The following MYBPC3 variants were observed in gnomAD, a reference collection of about 807,000 sequenced individuals.
The protein encoded by MYBPC3 is myosin binding protein C3, also known as myosin-binding protein C, cardiac-type.
MYBPC3 carries 108 observed loss-of-function variants against 159.3 expected under a neutral mutation model. That is an observed-to-expected ratio of 0.68 (90% CI 0.58 to 0.80). The LOEUF is 0.80. MYBPC3 is among the 30% of genes least tolerant of loss of function. MYBPC3 has a pLI of 0.00. For synonymous variants in MYBPC3, 730 were observed against 702.0 expected (o/e 1.04, Z -0.63); for missense variants, 1,631 against 1,762.1 (o/e 0.93, Z 1.33).
At position 47,337,773 on chromosome 11, in the gene MYBPC3, G is replaced by A. The variant is rs759631792; in HGVS notation, c.2330C>T (p.Ala777Val). 21 of 1,552,334 alleles carry A rather than the reference G, an allele frequency of 1.4e-5. No homozygotes were observed. The highest frequency in any genetic ancestry group is 1.7e-5 in the Non-Finnish European group (20 of 1,147,878). ...CTCTCCCACGTTGCTGATCTTGGGG[G>A]CCGCAGGTGCGTCTGGCACGTCTGG... is the stretch of plus-strand genomic sequence containing the variant. ...KVIDVPDAPA[A>V]PKISNVGEDS... Residue 777 changes from alanine to valine, a missense_variant, in exon 24 of 35, where the codon GCC becomes GTC. By Grantham distance (64) the Ala-to-Val change is moderately conservative. Coordinates refer to ENST00000545968, the MANE Select transcript of MYBPC3 (RefSeq NM_000256.3).
intron 3 of MYBPC3, among the ~76,000 whole-genome samples, 170 bp from the exon 4 acceptor site, chr11:47,350,282 G>A (rs564376522): frequency 2.5e-4 from 26 of 102,540 alleles, no homozygotes; most frequent in Non-Finnish European, 4.5e-4. Flanking sequence ...CCGCCACCAC[G>A]CCCGGCTAAT....
chr11:47,351,233 T>G lies in MYBPC3; in HGVS notation c.292+6A>C, dbSNP rs1387341456. 1.3e-6 allele frequency: 2 copies of G among 1,511,828 alleles called. No homozygotes were observed. The highest frequency in any genetic ancestry group is 2.5e-5 in the South Asian group (2 of 81,074). The allele number at this position is 1,511,828 out of a possible 1,614,324, so 93.7% of individuals were successfully genotyped here. ...AAACCTCAGGGAAGGCTGATCAGGATCTTACCTGCCTCTATGACCTTGAGG... is the reference window on the plus strand; with the variant it reads ...AAACCTCAGGGAAGGCTGATCAGGAGCTTACCTGCCTCTATGACCTTGAGG... On this transcript the variant is annotated splice_donor_region_variant and intron_variant, in intron 2 of 34. Coordinates refer to ENST00000545968, the MANE Select transcript of MYBPC3 (RefSeq NM_000256.3). The surrounding 1 kb of genome is among the most constrained non-coding windows in gnomAD (Gnocchi z 4.2).
chr11:47,338,665 G>A lies in MYBPC3; in HGVS notation c.2163C>T (p.Thr721=), dbSNP rs397515951. 18 of 1,612,070 alleles carry A rather than the reference G, an allele frequency of 1.1e-5. No individual in the cohort carries two copies. Among genetic ancestry groups the A allele is most frequent in the South Asian group, 5.5e-5 (5 of 90,784 alleles). The part of the protein sequence containing the change: ...WVFDKKLLCE[T]EGRVRVETTK... ...TGGTCTCCACGCGGACCCGGCCCTC[G>A]GTCTCACACAGCAGCTGGGGGGGTG... The change falls in exon 23 of 35, where the codon ACC becomes ACT. Residue 721 remains threonine (T), a synonymous_variant. Coordinates refer to ENST00000545968, the MANE Select transcript of MYBPC3 (RefSeq NM_000256.3). This position sits in a 1 kb window ranked among gnomAD's most constrained non-coding sequence, Gnocchi z 4.7.
Position 47,352,617 on chromosome 11 carries a change from A to G in MYBPC3, c.25+6T>C. ...CACTTAGACCCAACCCCAGTCCTAA[A>G]GCTACCTGGCTTCTTCCCCGGCTCA... On this transcript the variant is annotated splice_donor_region_variant and intron_variant, in intron 1 of 34. Transcript: ENST00000545968. 6.2e-7 allele frequency: 1 copy of G among 1,600,580 alleles called. No individual in the cohort carries two copies. The highest frequency in any genetic ancestry group is 8.5e-7 in the Non-Finnish European group (1 of 1,173,768).
rs565276992 is a variant in MYBPC3 at position 47,351,795 on chromosome 11, C to T, written c.26-290G>A. On this transcript the variant is annotated intron_variant, in intron 1 of 34. Transcript: ENST00000545968. The surrounding 1 kb of genome is among the most constrained non-coding windows in gnomAD (Gnocchi z 4.2). ...TTTCTGCATGTGTCCACTTTCCCTG[C>T]TTGGAGACACCCGTGATGAACCCAG... Among the ~76,000 whole-genome samples, 1 of 152,292 alleles carries T rather than the reference C, an allele frequency of 6.6e-6. No homozygotes were observed. The highest frequency in any genetic ancestry group is 2.1e-4 in the South Asian group (1 of 4,828).
chr11:47,352,052 C>T (rs2095901484), intron 1 of MYBPC3, among the ~76,000 whole-genome samples: 1 of 152,084 alleles, frequency 6.6e-6, no homozygotes, highest in African/African-American at 2.4e-5. Context: ...TGCCCTTGGC[C>T]TGGGTTCAGG....
rs1373991646 is a variant in MYBPC3, at chr11:47,343,272, A to C, written c.1224-10T>G. The stretch of plus-strand genomic sequence containing the variant: ...GAGGGGAACTTACTTGCTGTAGAAC[A>C]GAAGGGGCCGTTGAAGTGTTCCCGA... On this transcript the variant is annotated splice_polypyrimidine_tract_variant and intron_variant, in intron 13 of 34. Transcript: ENST00000545968. 1 of 1,556,316 alleles carries C rather than the reference A, an allele frequency of 6.4e-7. No individual in the cohort carries two copies. The highest frequency in any genetic ancestry group is 2.3e-5 in the East Asian group (1 of 44,360).
intron 25 of MYBPC3, 84 bp downstream of exon 25, chr11:47,337,307 T>C: frequency 7.2e-7 from 1 of 1,396,394 alleles, no homozygotes; most frequent in Non-Finnish European, 9.6e-7. Context: ...GTGTCTAGCA[T>C]GGCTGCCTGC....
In MYBPC3 at chr11:47,337,800, T is replaced by C; in HGVS notation, c.2309-6A>G. ...CGCAGGTGCGTCTGGCACGTCTGGA[T>C]GGGGTGGGATGGACCCACATCAGCC... On this transcript the variant is annotated splice_region_variant and splice_polypyrimidine_tract_variant and intron_variant, in intron 23 of 34. Coordinates refer to ENST00000545968, the MANE Select transcript of MYBPC3 (RefSeq NM_000256.3). The C allele has an allele frequency of 1.9e-6, 3 of 1,550,128 alleles. No homozygotes were observed. The highest frequency in any genetic ancestry group is 2.6e-6 in the Non-Finnish European group (3 of 1,146,902).
intron 21 of MYBPC3, 80 bp from the exon 22 acceptor site, chr11:47,339,484 C>T: frequency 6.5e-7 from 1 of 1,531,412 alleles, no homozygotes; most frequent in Middle Eastern, 1.7e-4. Flanking sequence ...TTCTTCCACC[C>T]CCTGACCCAC....
At chr11:47,339,494 C>G (rs2095886075) in intron 21 of MYBPC3, 90 bp from the exon 22 acceptor site, 1 of 1,513,056 alleles carries the variant, frequency 6.6e-7, no homozygotes, top group African/African-American at 1.4e-5. Context: ...CCCTGACCCA[C>G]ACTGCCCACC....
Position 47,337,690 on chromosome 11 carries a change from C to A in MYBPC3, c.2413G>T (p.Gly805Cys). ...CTCCATCCGGTGCCCTTGCACTCACCCAGGATGGGCTGCCCGCCATCGTAG... is the reference window on the plus strand; with the variant it reads ...CTCCATCCGGTGCCCTTGCACTCACACAGGATGGGCTGCCCGCCATCGTAG... ...PAYDGGQPILGYILERKKKKS... is the reference protein window; with the variant it reads ...PAYDGGQPILCYILERKKKKS... Residue 805 changes from glycine to cysteine, a missense_variant and splice_region_variant, in exon 24 of 35, where the codon GGC becomes TGC. Physicochemically the swap from Gly to Cys is radical, Grantham distance 159. Transcript: ENST00000545968. The A allele has an allele frequency of 6.3e-7, 1 of 1,586,222 alleles. No homozygotes were observed. Among genetic ancestry groups the A allele is most frequent in the Admixed American group, 1.8e-5 (1 of 55,078 alleles).
Position 47,351,731 on chromosome 11 carries a change from G to A in MYBPC3, c.26-226C>T, listed in dbSNP as rs947566078. On this transcript the variant is annotated intron_variant, in intron 1 of 34. Transcript: ENST00000545968. This position sits in a 1 kb window ranked among gnomAD's most constrained non-coding sequence, Gnocchi z 4.2. ...CCAAGATCACACAGCTAGCAGTCGGGAGAGCCAGGGCTGTGGTCCTGACCT... is the reference window on the plus strand; with the variant it reads ...CCAAGATCACACAGCTAGCAGTCGGAAGAGCCAGGGCTGTGGTCCTGACCT... Among the ~76,000 whole-genome samples the A allele has an allele frequency of 9.9e-5, 15 of 152,188 alleles. No individual in the cohort carries two copies. Among genetic ancestry groups the A allele is most frequent in the Admixed American group, 6.5e-4 (10 of 15,274 alleles).
chr11:47,352,220 A>G (rs2095901630), intron 1 of MYBPC3, among the ~76,000 whole-genome samples: 1 of 152,130 alleles, frequency 6.6e-6, no homozygotes, highest in Non-Finnish European at 1.5e-5. Flanking sequence ...ACTGAGACCC[A>G]TAGTGGGTAG....
At chr11:47,339,212 A>G in intron 22 of MYBPC3, 112 bp downstream of exon 22, 4 of 1,172,788 alleles carry the variant, frequency 3.4e-6, no homozygotes, top group Non-Finnish European at 5.1e-6. Context: ...GGGCAGCAAC[A>G]CACCCGGCCA....
Position 47,338,117 on chromosome 11 carries a change from C to T in MYBPC3, c.2309-323G>A, listed in dbSNP as rs114336273. 1.5e-3 allele frequency among the ~76,000 whole-genome samples: 222 copies of T among 152,118 alleles called. No homozygotes were observed. Among genetic ancestry groups the T allele is most frequent in the African/African-American group, 5.1e-3 (211 of 41,506 alleles). The stretch of plus-strand genomic sequence containing the variant: ...TGGCTCTGATCCTCCCAACCCCACC[C>T]AGTCCTCTCCTGACATGTTTCATTC... On this transcript the variant is annotated intron_variant, in intron 23 of 34. Coordinates refer to ENST00000545968, the MANE Select transcript of MYBPC3 (RefSeq NM_000256.3). This position sits in a 1 kb window ranked among gnomAD's most constrained non-coding sequence, Gnocchi z 4.7.
Position 47,346,126 on chromosome 11 carries a change from G to A in MYBPC3, c.1090+81C>T, listed in dbSNP as rs2095893772. On this transcript the variant is annotated intron_variant, in intron 12 of 34. Transcript: ENST00000545968. This position sits in a 1 kb window ranked among gnomAD's most constrained non-coding sequence, Gnocchi z 5.3. ...CCCTCTCCTCTCCCCTGTGGGGAAG[G>A]GCTAACCTATGCCCTCTCCTCTCCT... The A allele has an allele frequency of 6.4e-7, 1 of 1,572,616 alleles. No homozygotes were observed. Among genetic ancestry groups the A allele is most frequent in the Non-Finnish European group, 8.7e-7 (1 of 1,155,396 alleles).
chr11:47,339,862 C>T lies in MYBPC3; in HGVS notation c.1928-72G>A. ...AGCACAGGTCACTGGGGCGGGGCTG[C>T]TCAAGAGCCTGGGCCCCTGGTTATT... On this transcript the variant is annotated intron_variant, in intron 20 of 34. Coordinates refer to ENST00000545968, the MANE Select transcript of MYBPC3 (RefSeq NM_000256.3). 4 of 1,522,546 alleles carry T rather than the reference C, an allele frequency of 2.6e-6. No homozygotes were observed. In the South Asian group the frequency reaches 4.8e-5, roughly 18 times the overall value. 94.3% of individuals were successfully genotyped at this position (1,522,546 alleles called of 1,614,324 possible).
In MYBPC3 at chr11:47,333,321, G is replaced by A; in HGVS notation, c.3203C>T (p.Pro1068Leu). 2 of 1,580,604 alleles carry A rather than the reference G, an allele frequency of 1.3e-6. No individual in the cohort carries two copies. The highest frequency in any genetic ancestry group is 1.7e-6 in the Non-Finnish European group (2 of 1,161,444). Residue 1068 changes from proline to leucine, a missense_variant, in exon 30 of 35, where the codon CCT becomes CTT. Pro to Leu is a moderately conservative substitution (Grantham distance 98). Transcript: ENST00000545968. Reference sequence around the variant, plus strand: ...GTCAGTCACCCGGAGATCCTGGGGAGGACTTGGCTTGTCTGCGGGAGACAG... The same window carrying A: ...GTCAGTCACCCGGAGATCCTGGGGAAGACTTGGCTTGTCTGCGGGAGACAG... ...LVLQVVDKPS[P>L]PQDLRVTDAW...
Sources: gnomAD v4.1 joint callset for allele counts (sites outside exome capture counted in the v4.1 genomes callset) on GRCh38, gnomAD v4.1.1 for gene constraint, Gnocchi (gnomAD v3.1) non-coding constraint, MANE v1.5 for transcripts, NCBI Gene and HGNC (gene_info 2026-07-23, HGNC 2026-07-21) for gene names.